The following AGBL4 variants were observed in gnomAD, a reference collection of about 807,000 sequenced individuals.
The protein encoded by AGBL4 is AGBL carboxypeptidase 4.
Under a neutral mutation model 66.4 loss-of-function variants are expected in AGBL4, and 58 were observed. The observed-to-expected ratio is 0.87, with a 90% CI of 0.71 to 1.09. AGBL4 has a LOEUF of 1.09. Among genes scored for constraint, AGBL4 ranks in the 50% least tolerant of loss-of-function variants. The probability of loss-of-function intolerance (pLI) is 0.00; values close to 1 mark genes in which losing one functional copy is unlikely to be tolerated. For missense variants in AGBL4, 579 were observed against 631.0 expected, an observed-to-expected ratio of 0.92 and a Z score of 0.88; for synonymous variants, 234 against 222.9, an observed-to-expected ratio of 1.05 and a Z score of -0.44.
At chr1:49,170,258 T>C (rs1441018641) in intron 4 of AGBL4, among the ~76,000 whole-genome samples, 1 of 145,964 alleles carries the variant, frequency 6.9e-6, no homozygotes, top group Non-Finnish European at 1.5e-5. Flanking sequence ...AAATATATTA[T>C]AAATTTATAT....
At chr1:49,207,684 C>A (rs781278341) in intron 4 of AGBL4, among the ~76,000 whole-genome samples, 6 of 151,044 alleles carry the variant, frequency 4.0e-5, no homozygotes, top group Non-Finnish European at 7.4e-5. Flanking sequence ...CTTGACTTCC[C>A]GGGGTCCAGT....
At chr1:49,651,226 G>A (rs1645998216) in intron 3 of AGBL4, among the ~76,000 whole-genome samples, 1 of 152,124 alleles carries the variant, frequency 6.6e-6, no homozygotes, top group Admixed American at 6.5e-5. Flanking sequence ...TAGGGAAAAG[G>A]ATTGTGTTCC....
chr1:49,374,814 T>G (rs906730257), intron 3 of AGBL4, among the ~76,000 whole-genome samples: 1 of 152,196 alleles, frequency 6.6e-6, no homozygotes, highest in Admixed American at 6.6e-5. Flanking sequence ...ATCACTTTCA[T>G]TCTTTACACT....
chr1:49,111,175 G>A (rs1403359432), intron 4 of AGBL4, among the ~76,000 whole-genome samples: 7 of 148,058 alleles, frequency 4.7e-5, no homozygotes, highest in South Asian at 2.1e-4. Flanking sequence ...GTGCAGTGGC[G>A]TGATCTCGCC....
chr1:48,600,734 T>C (rs1645062833), intron 9 of AGBL4, among the ~76,000 whole-genome samples: 1 of 152,198 alleles, frequency 6.6e-6, no homozygotes, highest in Admixed American at 6.5e-5. Context: ...CTCCTTGACC[T>C]CAGCAGAATA....
intron 1 of AGBL4, among the ~76,000 whole-genome samples, chr1:49,991,118 T>C (rs1423028192): frequency 6.6e-6 from 1 of 152,180 alleles, no homozygotes; most frequent in Non-Finnish European, 1.5e-5. Context: ...AACAGGGAGA[T>C]TTAGTAAACT....
At chr1:49,024,184 T>C (rs906855762) in intron 5 of AGBL4, among the ~76,000 whole-genome samples, 10 of 152,192 alleles carry the variant, frequency 6.6e-5, no homozygotes. Flanking sequence ...ATTTTTCATA[T>C]GGTTGGCTCA....
chr1:48,653,409 A>G lies in AGBL4; in HGVS notation c.767T>C (p.Val256Ala). 2 of 1,588,580 alleles carry G rather than the reference A, an allele frequency of 1.3e-6. No individual in the cohort carries two copies. Among genetic ancestry groups the G allele is most frequent in the Non-Finnish European group, 1.7e-6 (2 of 1,166,746 alleles). ...CTTGAAGACCAGGTATTCCCGGAGG[A>G]CACAGGCAATAGGGTGCTGGCTTAC... ...FLVSQHPIAC[V>A]LREYLVFKIA... The change falls in exon 8 of 14, where the codon GTC becomes GCC. Residue 256 changes from valine to alanine, a missense_variant. Coordinates refer to ENST00000371839, the MANE Select transcript of AGBL4 (RefSeq NM_032785.4).
At position 49,844,923 on chromosome 1, in the gene AGBL4, T is replaced by C. The variant is rs530581037; in HGVS notation, c.157+6473A>G. On this transcript the variant is annotated intron_variant, in intron 2 of 13. Transcript: ENST00000371839. ...CTGTTCAGGAGCAGTGACAGAGGAA[T>C]GGGTTTGGGGAAAACAGAAGTCTGA... is the stretch of plus-strand genomic sequence containing the variant. 4.4e-6 allele frequency: 6 copies of C among 1,366,372 alleles called. No individual in the cohort carries two copies. In the South Asian group the frequency reaches 5.9e-5, roughly 13 times the overall value. The allele number at this position is 1,366,372 out of a possible 1,614,324, so 84.6% of individuals were successfully genotyped here.
At chr1:49,745,753 T>C (rs1351222611) in intron 2 of AGBL4, among the ~76,000 whole-genome samples, 1 of 151,662 alleles carries the variant, frequency 6.6e-6, no homozygotes, top group African/African-American at 2.4e-5. Flanking sequence ...ACACAAAAAC[T>C]GTCAGAACTG....
At chr1:49,426,398 T>C (rs1213590970) in intron 3 of AGBL4, among the ~76,000 whole-genome samples, 1 of 152,228 alleles carries the variant, frequency 6.6e-6, no homozygotes, top group Non-Finnish European at 1.5e-5. Context: ...AGCTTTATTC[T>C]GGCCCTTTCT....
At chr1:49,876,237 C>T (rs1647002409) in intron 1 of AGBL4, among the ~76,000 whole-genome samples, 1 of 107,760 alleles carries the variant, frequency 9.3e-6, no homozygotes, top group Non-Finnish European at 1.9e-5. Context: ...TTGCCCACGC[C>T]TATGTCCTGA....
intron 1 of AGBL4, among the ~76,000 whole-genome samples, chr1:49,968,954 G>A (rs1460808831): frequency 6.6e-6 from 1 of 152,172 alleles, no homozygotes; most frequent in Non-Finnish European, 1.5e-5. Context: ...GTTATGTTAA[G>A]GTTTTCTGCC....
At chr1:49,377,093 A>G (rs964462890) in intron 3 of AGBL4, among the ~76,000 whole-genome samples, 6 of 152,134 alleles carry the variant, frequency 3.9e-5, no homozygotes, top group African/African-American at 1.4e-4. Flanking sequence ...TAGGTATGAG[A>G]GAGGAAAAGT....
In AGBL4 at chr1:49,987,139, C is replaced by T. The variant is rs560901039; in HGVS notation, c.34+36624G>A. On this transcript the variant is annotated intron_variant, in intron 1 of 13. Coordinates refer to ENST00000371839, the MANE Select transcript of AGBL4 (RefSeq NM_032785.4). The stretch of plus-strand genomic sequence containing the variant: ...CATCAGCATATACTAGCATGACTGC[C>T]AACTATATTTAATGCTTTGCAAGGC... Among the ~76,000 whole-genome samples, 3 of 152,146 alleles carry T rather than the reference C, an allele frequency of 2.0e-5. No individual in the cohort carries two copies. In the South Asian group the frequency reaches 6.2e-4, roughly 32 times the overall value.
At chr1:49,756,112 G>A (rs1651867597) in intron 2 of AGBL4, among the ~76,000 whole-genome samples, 1 of 151,808 alleles carries the variant, frequency 6.6e-6, no homozygotes. Context: ...AAATTTTTTT[G>A]AAATATCAAT....
chr1:49,129,126 A>G (rs1326013672), intron 4 of AGBL4, among the ~76,000 whole-genome samples: 1 of 152,040 alleles, frequency 6.6e-6, no homozygotes, highest in Non-Finnish European at 1.5e-5. Flanking sequence ...CAGGCACTAA[A>G]AATATCCAAA....
intron 3 of AGBL4, among the ~76,000 whole-genome samples, chr1:49,338,465 C>A (rs983564346): frequency 9.2e-5 from 14 of 152,186 alleles, no homozygotes; most frequent in Non-Finnish European, 1.6e-4. Flanking sequence ...TTCTTACACA[C>A]CTTTCACTTA....
chr1:49,374,825 A>T (rs1199799421), intron 3 of AGBL4, among the ~76,000 whole-genome samples: 2 of 152,262 alleles, frequency 1.3e-5, no homozygotes, highest in African/African-American at 4.8e-5. Context: ...TCTTTACACT[A>T]AAGTCAGAAT....
Sources: gnomAD v4.1 joint callset for allele counts (sites outside exome capture counted in the v4.1 genomes callset) on GRCh38, gnomAD v4.1.1 for gene constraint, MANE v1.5 for transcripts, NCBI Gene and HGNC (gene_info 2026-07-23, HGNC 2026-07-21) for gene names.